Variants in ZSCAN25 observed in about 807,000 individuals in gnomAD.
ZSCAN25 encodes zinc finger and SCAN domain containing 25.
In ZSCAN25, 27 loss-of-function variants were observed where a neutral mutation model predicts 38.7. The observed-to-expected ratio is 0.70, with a 90% confidence interval of 0.51 to 0.96. The LOEUF (loss-of-function observed/expected upper bound fraction) is 0.96, where lower values mean the gene tolerates loss of function less well. ZSCAN25 is among the 40% of genes least tolerant of loss of function. The probability of loss-of-function intolerance (pLI) is 0.00; values close to 1 mark genes in which losing one functional copy is unlikely to be tolerated. For missense variants in ZSCAN25, 637 were observed against 705.9 expected, an observed-to-expected ratio of 0.90 and a Z score of 1.11; for synonymous variants, 273 against 277.7, an observed-to-expected ratio of 0.98 and a Z score of 0.17.
the ZSCAN25 span, chr7:99,660,575 G>A: frequency 6.2e-7 from 1 of 1,613,964 alleles, no homozygotes; most frequent in East Asian, 2.2e-5. Context: ...TTCATATAAA[G>A]TGAAGGAAAG....
chr7:99,618,745 T>G (rs1232100264), intron 2 of ZSCAN25, 94 bp downstream of exon 2: 2 of 152,202 alleles, frequency 1.3e-5, no homozygotes, highest in African/African-American at 4.8e-5. Flanking sequence ...CTCGCTAAAG[T>G]AAGAAATAAG....
the ZSCAN25 span, chr7:99,638,389 G>C: frequency 6.3e-7 from 1 of 1,595,458 alleles, no homozygotes; most frequent in Non-Finnish European, 8.6e-7. Flanking sequence ...ATGGCATCGG[G>C]CAGGTCCTGC....
At chr7:99,723,350 T>A in the ZSCAN25 span, among the ~76,000 whole-genome samples, 1 of 152,196 alleles carries the variant, frequency 6.6e-6, no homozygotes, top group Admixed American at 6.5e-5. Context: ...ATGAGTCTTA[T>A]GATCTCCCTA....
At chr7:99,626,661 A>G (rs1260977822) in intron 7 of ZSCAN25, among the ~76,000 whole-genome samples, 1 of 152,220 alleles carries the variant, frequency 6.6e-6, no homozygotes, top group African/African-American at 2.4e-5. Flanking sequence ...GGGAGGAAGA[A>G]TGGAAAGTTC....
the ZSCAN25 span, chr7:99,670,920 T>C: frequency 6.6e-6 from 1 of 152,208 alleles, no homozygotes; most frequent in Admixed American, 6.5e-5. Flanking sequence ...TTTTCTTTTA[T>C]AATAAAAAAT....
At chr7:99,672,161 C>T in the ZSCAN25 span, among the ~76,000 whole-genome samples, 1 of 152,140 alleles carries the variant, frequency 6.6e-6, no homozygotes. Flanking sequence ...AAGCGATTCT[C>T]CTGTCTCAGA....
the ZSCAN25 span, chr7:99,663,843 C>A: frequency 1.2e-5 from 17 of 1,395,198 alleles, no homozygotes; most frequent in Non-Finnish European, 1.5e-5. Flanking sequence ...CAAATGGCTT[C>A]TCTTGTTCTA....
intron 7 of ZSCAN25, among the ~76,000 whole-genome samples, chr7:99,627,133 G>T (rs1333372248): frequency 1.3e-5 from 2 of 152,146 alleles, no homozygotes; most frequent in Non-Finnish European, 2.9e-5. Flanking sequence ...TGTATAATGT[G>T]TGTTTTGTTT....
chr7:99,704,377 A>G, the ZSCAN25 span, among the ~76,000 whole-genome samples: 2 of 151,846 alleles, frequency 1.3e-5, no homozygotes, highest in Admixed American at 1.3e-4. Context: ...TGCAGCCTCC[A>G]CCTCCCAGGT....
At chr7:99,682,639 T>G in the ZSCAN25 span, among the ~76,000 whole-genome samples, 3,850 of 145,600 alleles carry the variant, frequency 0.026, 166 homozygotes, top group African/African-American at 0.094. Context: ...AATTTTAGGG[T>G]TTTTTTTTTT....
chr7:99,647,778 T>G, the ZSCAN25 span: 1 of 985,294 alleles, frequency 1.0e-6, no homozygotes, highest in African/African-American at 1.7e-5. Context: ...ATAAAAAATG[T>G]TTATTTGCTG....
At chr7:99,652,320 C>A in the ZSCAN25 span, 2 of 340,312 alleles carry the variant, frequency 5.9e-6, no homozygotes, top group Non-Finnish European at 5.3e-6. Flanking sequence ...TAGAAAAATG[C>A]CCACAGGGAC....
the ZSCAN25 span, chr7:99,705,709 T>C: frequency 1.6e-6 from 2 of 1,286,710 alleles, no homozygotes; most frequent in Non-Finnish European, 2.2e-6. Flanking sequence ...ATATAAAAAC[T>C]ACTTTCAGCA....
the ZSCAN25 span, chr7:99,649,959 G>C: frequency 7.6e-7 from 1 of 1,313,550 alleles, no homozygotes; most frequent in Admixed American, 2.2e-5. Context: ...GATCCAAGTA[G>C]GTTCTTTGGC....
chr7:99,630,625 C>A lies in ZSCAN25; in HGVS notation c.*605C>A. Reference sequence around the variant, plus strand: ...AACATCTTCCCATGACCACTCCTGCCCTCCTGCCCCGTGCTGGATCTTCCC... The same window carrying A: ...AACATCTTCCCATGACCACTCCTGCACTCCTGCCCCGTGCTGGATCTTCCC... On this transcript the variant is annotated 3_prime_UTR_variant, in exon 8 of 8. Coordinates refer to ENST00000394152, the MANE Select transcript of ZSCAN25 (RefSeq NM_145115.3). 3 of 985,786 alleles carry A rather than the reference C, an allele frequency of 3.0e-6. No individual in the cohort carries two copies. The highest frequency in any genetic ancestry group is 3.6e-6 in the Non-Finnish European group (3 of 830,242). 61.1% of individuals were successfully genotyped at this position (985,786 alleles called of 1,614,324 possible).
the ZSCAN25 span, among the ~76,000 whole-genome samples, chr7:99,680,574 C>A: frequency 2.0e-5 from 3 of 152,186 alleles, no homozygotes; most frequent in East Asian, 5.8e-4. Flanking sequence ...TATTTACTTT[C>A]ATGACCCTGG....
chr7:99,657,034 C>T, the ZSCAN25 span, among the ~76,000 whole-genome samples: 11 of 152,194 alleles, frequency 7.2e-5, no homozygotes, highest in South Asian at 2.1e-4. Context: ...AAAACCAGCT[C>T]CTGGATTCAT....
the ZSCAN25 span, among the ~76,000 whole-genome samples, chr7:99,726,836 A>G: frequency 2.8e-4 from 43 of 152,282 alleles, no homozygotes; most frequent in African/African-American, 1.0e-3. Context: ...CCAAAGCTCA[A>G]ATTTCTTCTC....
chr7:99,656,395 G>A, the ZSCAN25 span, among the ~76,000 whole-genome samples: 25 of 152,262 alleles, frequency 1.6e-4, no homozygotes, highest in East Asian at 3.9e-4. Context: ...ATTGATTTGC[G>A]TATGTTGAAC....
Sources: gnomAD v4.1 joint callset for allele counts (sites outside exome capture counted in the v4.1 genomes callset) on GRCh38, gnomAD v4.1.1 for gene constraint, MANE v1.5 for transcripts, NCBI Gene and HGNC (gene_info 2026-07-23, HGNC 2026-07-21) for gene names.